ASAP1: variants seen among roughly 807,000 people sequenced by gnomAD.
ASAP1 encodes the protein ArfGAP with SH3 domain, ankyrin repeat and PH domain 1.
Under a neutral mutation model 145.2 loss-of-function variants are expected in ASAP1, and 43 were observed. The observed-to-expected ratio is 0.30, with a 90% CI of 0.23 to 0.38. The LOEUF (loss-of-function observed/expected upper bound fraction) is 0.38. ASAP1 is among the 10% of genes least tolerant of loss of function. The probability of loss-of-function intolerance (pLI) is 1.00; values close to 1 mark genes in which losing one functional copy is unlikely to be tolerated. For synonymous variants in ASAP1, 546 were observed against 515.5 expected, an observed-to-expected ratio of 1.06 and a Z score of -0.80; for missense variants, 1,018 against 1,355.3, an observed-to-expected ratio of 0.75 and a Z score of 3.91.
At chr8:130,355,941 T>C (rs574553318) in intron 3 of ASAP1, among the ~76,000 whole-genome samples, 1 of 152,340 alleles carries the variant, frequency 6.6e-6, no homozygotes, top group Non-Finnish European at 1.5e-5. Context: ...AACATTGCTA[T>C]ATTTTTGAGA....
At chr8:130,404,677 C>T (rs1039140180) in intron 1 of ASAP1, among the ~76,000 whole-genome samples, 1 of 152,200 alleles carries the variant, frequency 6.6e-6, no homozygotes. Flanking sequence ...TCACTTCCAA[C>T]ATGACTGTGA....
chr8:130,216,060 AAAAAG>A (rs1003419998), intron 4 of ASAP1, among the ~76,000 whole-genome samples: 2 of 149,442 alleles, frequency 1.3e-5, no homozygotes, highest in Non-Finnish European at 3.0e-5. Flanking sequence ...AAAGAAAAGG[AAAAAG>A]GAAAGGAAAG....
intron 11 of ASAP1, chr8:130,160,821 G>C (rs1400243652): frequency 7.8e-7 from 1 of 1,277,462 alleles, no homozygotes; most frequent in Non-Finnish European, 1.0e-6. Context: ...AAAAGAAACA[G>C]AGAAAAAAGG....
Position 130,063,567 on chromosome 8 carries a change from G to T in ASAP1, c.2702-2498C>A, listed in dbSNP as rs1333498927. Among the ~76,000 whole-genome samples, 4 of 152,136 alleles carry T rather than the reference G, an allele frequency of 2.6e-5. No homozygotes were observed. The East Asian group carries it at 7.7e-4, about 29-fold the overall frequency. The stretch of plus-strand genomic sequence containing the variant: ...GGGCAGGAGAGAGATGGGACTACAG[G>T]GCAGGGAAAGAGAGGAGACTGGCCT... On this transcript the variant is annotated intron_variant, in intron 27 of 29. Coordinates refer to ENST00000518721, the MANE Select transcript of ASAP1 (RefSeq NM_018482.4).
At chr8:130,152,870 A>G in intron 12 of ASAP1, 65 bp from the exon 13 acceptor site, 2 of 1,174,304 alleles carry the variant, frequency 1.7e-6, no homozygotes, top group Non-Finnish European at 1.2e-6. Flanking sequence ...GCGACGATAC[A>G]GTATGATACA....
intron 2 of ASAP1, among the ~76,000 whole-genome samples, chr8:130,380,784 C>T (rs1465174709): frequency 6.6e-6 from 1 of 152,128 alleles, no homozygotes; most frequent in African/African-American, 2.4e-5. Flanking sequence ...GACGTGCAGT[C>T]ATGAGCTTAT....
At chr8:130,070,440 G>T (rs1012075327) in intron 27 of ASAP1, among the ~76,000 whole-genome samples, 2 of 152,158 alleles carry the variant, frequency 1.3e-5, no homozygotes, top group African/African-American at 4.8e-5. Context: ...ATGTAAATCT[G>T]CTCTCCAATA....
At chr8:130,377,565 G>A (rs544260041) in intron 2 of ASAP1, among the ~76,000 whole-genome samples, 1 of 152,302 alleles carries the variant, frequency 6.6e-6, no homozygotes, top group African/African-American at 2.4e-5. Flanking sequence ...CAGCTCTCAA[G>A]GAGCCTATGG....
intron 3 of ASAP1, among the ~76,000 whole-genome samples, chr8:130,294,541 T>C (rs1406387324): frequency 6.6e-6 from 1 of 152,212 alleles, no homozygotes; most frequent in African/African-American, 2.4e-5. Flanking sequence ...GGGACAGCAA[T>C]AGCACCTTCA....
intron 3 of ASAP1, among the ~76,000 whole-genome samples, chr8:130,261,071 A>T (rs1263183741): frequency 1.3e-5 from 2 of 152,150 alleles, no homozygotes; most frequent in Non-Finnish European, 2.9e-5. Context: ...ATTACTAGTC[A>T]CAGACCCCAC....
At chr8:130,180,521 C>G (rs1814282002) in intron 8 of ASAP1, among the ~76,000 whole-genome samples, 1 of 152,202 alleles carries the variant, frequency 6.6e-6, no homozygotes, top group Non-Finnish European at 1.5e-5. Context: ...ACCAAAGAAT[C>G]CTGTTTTGGC....
At chr8:130,134,201 T>G (rs2135796315) in intron 15 of ASAP1, 95 bp downstream of exon 15, 4 of 968,256 alleles carry the variant, frequency 4.1e-6, no homozygotes, top group Non-Finnish European at 4.6e-6. Context: ...CCAGGCGAGG[T>G]TCTTACAAAT....
At chr8:130,319,999 T>G (rs929135528) in intron 3 of ASAP1, among the ~76,000 whole-genome samples, 37 of 152,238 alleles carry the variant, frequency 2.4e-4, no homozygotes, top group African/African-American at 7.5e-4. Context: ...TTTTAACATA[T>G]TCCTGTCTAG....
At chr8:130,177,108 CT>C (rs978449214) in intron 9 of ASAP1, among the ~76,000 whole-genome samples, 1 of 152,178 alleles carries the variant, frequency 6.6e-6, no homozygotes, top group Non-Finnish European at 1.5e-5. Flanking sequence ...AAAAGCCTTG[CT>C]TTATCTCTGT....
chr8:130,402,717 ATCCATCCCCAAT>A (rs1469767633), intron 1 of ASAP1, among the ~76,000 whole-genome samples: 3 of 151,640 alleles, frequency 2.0e-5, no homozygotes, highest in Non-Finnish European at 2.9e-5. Context: ...CCCATATCCA[ATCCATCCCCAAT>A]TCATGTCTAC....
intron 27 of ASAP1, among the ~76,000 whole-genome samples, chr8:130,063,527 A>G (rs1160539304): frequency 6.6e-6 from 1 of 152,196 alleles, no homozygotes; most frequent in African/African-American, 2.4e-5. Context: ...ACACTGGCCC[A>G]GGTGACTCAA....
At chr8:130,333,354 C>T (rs1444391911) in intron 3 of ASAP1, among the ~76,000 whole-genome samples, 1 of 152,164 alleles carries the variant, frequency 6.6e-6, no homozygotes, top group Non-Finnish European at 1.5e-5. Flanking sequence ...GTCATCCCAG[C>T]ACTTTGGGAG....
At chr8:130,237,262 A>C (rs534336892) in intron 3 of ASAP1, among the ~76,000 whole-genome samples, 6 of 152,252 alleles carry the variant, frequency 3.9e-5, no homozygotes, top group Non-Finnish European at 8.8e-5. Context: ...GCTATGCACA[A>C]GAAAGACAGT....
chr8:130,180,994 T>G, intron 7 of ASAP1, 114 bp from the exon 8 acceptor site: 1 of 922,804 alleles, frequency 1.1e-6, no homozygotes. Context: ...TCTATGTAGG[T>G]TCATCAGTTG....
Sources: gnomAD v4.1 joint callset for allele counts (sites outside exome capture counted in the v4.1 genomes callset) on GRCh38, gnomAD v4.1.1 for gene constraint, MANE v1.5 for transcripts, NCBI Gene and HGNC (gene_info 2026-07-23, HGNC 2026-07-21) for gene names.